The following USP13 variants were observed in gnomAD, a reference collection of about 807,000 sequenced individuals.
The protein encoded by USP13 is ubiquitin specific peptidase 13, also known as ubiquitin carboxyl-terminal hydrolase 13.
A neutral mutation model predicts 107.8 loss-of-function variants in USP13; 68 were observed. That is an observed-to-expected ratio of 0.63 (90% CI 0.52 to 0.77). The LOEUF (loss-of-function observed/expected upper bound fraction) is 0.77. Ranked by LOEUF, USP13 falls within the 30% of genes least tolerant of loss-of-function variation. The pLI, the probability that USP13 is intolerant of heterozygous loss-of-function variation, is 0.00. For synonymous variants in USP13, 377 were observed against 389.5 expected (o/e 0.97, Z 0.38); for missense variants, 945 against 1,093.3 (o/e 0.86, Z 1.91).
rs747042364 is a variant in USP13, at chr3:179,681,888, G to C, written c.179G>C (p.Gly60Ala). 8.7e-6 allele frequency: 14 copies of C among 1,612,538 alleles called. No individual in the cohort carries two copies. The East Asian group carries it at 2.9e-4, about 33-fold the overall frequency. The change falls in exon 2 of 21, where the codon GGT becomes GCT. Residue 60 changes from glycine (G) to alanine (A), a missense_variant. Transcript: ENST00000263966. The part of the protein sequence containing the change: ...AFSYDSPNSE[G>A]GLYVCMNTFL... The stretch of plus-strand genomic sequence containing the variant: ...TTCTCTTTCTTCTAGAATTCTGAAG[G>C]TGGACTCTATGTATGCATGAATACA...
chr3:179,692,356 A>G (rs1712143813), intron 3 of USP13, among the ~76,000 whole-genome samples: 1 of 152,230 alleles, frequency 6.6e-6, no homozygotes, highest in African/African-American at 2.4e-5. Flanking sequence ...TTTGATTCTC[A>G]GTTACTCTGT....
intron 16 of USP13, among the ~76,000 whole-genome samples, chr3:179,758,933 C>T (rs1714904885): frequency 6.6e-6 from 1 of 150,678 alleles, no homozygotes; most frequent in Admixed American, 6.6e-5. Context: ...TGGAGTATAT[C>T]CTTCTATTAT....
chr3:179,733,743 G>A (rs1713888985), intron 10 of USP13, among the ~76,000 whole-genome samples: 1 of 152,142 alleles, frequency 6.6e-6, no homozygotes, highest in Admixed American at 6.5e-5. Flanking sequence ...CCTTTTTACG[G>A]GGCCACCACC....
In USP13 at chr3:179,772,800, C is replaced by T. The variant is rs75637522; in HGVS notation, c.2413+6952C>T. On this transcript the variant is annotated intron_variant, in intron 19 of 20. Coordinates refer to ENST00000263966, the MANE Select transcript of USP13 (RefSeq NM_003940.3). ...CTTTCGGAGCATTCGGCATTGTAACCGAGAGACTGGTAATTTGGAGCTGGC... is the reference window on the plus strand; with the variant it reads ...CTTTCGGAGCATTCGGCATTGTAACTGAGAGACTGGTAATTTGGAGCTGGC... Among the ~76,000 whole-genome samples the T allele has an allele frequency of 5.5e-3, 843 of 152,274 alleles. 4 individuals are homozygous for T. The highest frequency in any genetic ancestry group is 9.0e-3 in the Non-Finnish European group (613 of 68,024).
intron 19 of USP13, among the ~76,000 whole-genome samples, chr3:179,777,394 T>G (rs1000198942): frequency 6.6e-6 from 1 of 151,682 alleles, no homozygotes; most frequent in African/African-American, 2.4e-5. Context: ...TTGCAGGACA[T>G]CCTTGTGGGG....
intron 6 of USP13, among the ~76,000 whole-genome samples, chr3:179,711,740 T>C (rs1308569373): frequency 6.6e-6 from 1 of 152,178 alleles, no homozygotes; most frequent in Admixed American, 6.5e-5. Context: ...AACAATGCCT[T>C]GTTCTGGAAT....
At chr3:179,755,399 A>G (rs948930512) in intron 15 of USP13, among the ~76,000 whole-genome samples, 1 of 152,006 alleles carries the variant, frequency 6.6e-6, no homozygotes, top group Non-Finnish European at 1.5e-5. Context: ...GGTTCAAGCA[A>G]TTCTCCTGCC....
chr3:179,754,294 G>C (rs1412006982), intron 14 of USP13, among the ~76,000 whole-genome samples: 1 of 152,210 alleles, frequency 6.6e-6, no homozygotes, highest in Non-Finnish European at 1.5e-5. Flanking sequence ...GTCTAGGGTA[G>C]AAACTGAAGA....
chr3:179,733,482 C>T (rs2268935), intron 10 of USP13, among the ~76,000 whole-genome samples: 2 of 151,988 alleles, frequency 1.3e-5, no homozygotes, highest in Non-Finnish European at 2.9e-5. Flanking sequence ...TCAGGCATCA[C>T]GATTTTCACT....
At chr3:179,655,567 G>GTTT (rs780247868) in intron 1 of USP13, among the ~76,000 whole-genome samples, 1 of 139,820 alleles carries the variant, frequency 7.2e-6, no homozygotes, top group African/African-American at 2.8e-5. Flanking sequence ...GTTTTGTTTT[G>GTTT]TTTTTTTTTT....
intron 12 of USP13, among the ~76,000 whole-genome samples, chr3:179,743,003 A>G (rs1397569826): frequency 6.6e-6 from 1 of 152,200 alleles, no homozygotes; most frequent in Non-Finnish European, 1.5e-5. Flanking sequence ...CAAAAAAGAC[A>G]AAATAGCTGC....
chr3:179,705,157 A>T (rs1407150494), intron 4 of USP13, among the ~76,000 whole-genome samples: 1 of 152,036 alleles, frequency 6.6e-6, no homozygotes, highest in African/African-American at 2.4e-5. Context: ...CAGCTGAGGG[A>T]ATTTCCTCCA....
chr3:179,663,496 G>A (rs923333104), intron 1 of USP13, among the ~76,000 whole-genome samples: 1 of 152,118 alleles, frequency 6.6e-6, no homozygotes, highest in Non-Finnish European at 1.5e-5. Flanking sequence ...CCAAATTCTG[G>A]TATATCCTCC....
intron 3 of USP13, among the ~76,000 whole-genome samples, chr3:179,700,090 A>G (rs1483358379): frequency 1.3e-5 from 2 of 152,142 alleles, no homozygotes; most frequent in Non-Finnish European, 2.9e-5. Flanking sequence ...TCCCTGTGAA[A>G]GTGATGCTGA....
At chr3:179,754,888 C>A in intron 15 of USP13, 34 bp downstream of exon 15, 1 of 1,581,468 alleles carries the variant, frequency 6.3e-7, no homozygotes, top group Non-Finnish European at 8.6e-7. Context: ...ATGCGCTACC[C>A]TCCCACCCTG....
chr3:179,740,328 C>A lies in USP13; in HGVS notation c.1336C>A (p.Gln446Lys). ...CCCGGAATTCTCCTCTAACAGGCAG[C>A]AAGATGCCCAGGAATTCTTCTTGCA... ...SHPEFSSNRQ[Q>K]DAQEFFLHLV... The change falls in exon 11 of 21, where the codon CAA (glutamine) becomes AAA (lysine). Residue 446 changes from glutamine (Q) to lysine (K), a missense_variant. Coordinates refer to ENST00000263966, the MANE Select transcript of USP13 (RefSeq NM_003940.3). The A allele has an allele frequency of 6.2e-7, 1 of 1,614,128 alleles. No homozygotes were observed. Among genetic ancestry groups the A allele is most frequent in the Non-Finnish European group, 8.5e-7 (1 of 1,180,030 alleles).
chr3:179,756,148 G>A (rs1187990355), intron 15 of USP13, among the ~76,000 whole-genome samples: 4 of 152,220 alleles, frequency 2.6e-5, no homozygotes, highest in Non-Finnish European at 5.9e-5. Context: ...GAGAGGGCCA[G>A]GCGCGGTGGC....
intron 8 of USP13, among the ~76,000 whole-genome samples, chr3:179,723,544 C>CT (rs1162439362): frequency 1.3e-5 from 2 of 152,206 alleles, no homozygotes; most frequent in Non-Finnish European, 2.9e-5. Context: ...GACACACATC[C>CT]TGATGCATGT....
chr3:179,688,803 T>G (rs1711988652), intron 2 of USP13, among the ~76,000 whole-genome samples: 1 of 152,190 alleles, frequency 6.6e-6, no homozygotes, highest in African/African-American at 2.4e-5. Context: ...TTAAAGGTGC[T>G]TTGCAATAGG....
Sources: gnomAD v4.1 joint callset for allele counts (sites outside exome capture counted in the v4.1 genomes callset) on GRCh38, gnomAD v4.1.1 for gene constraint, MANE v1.5 for transcripts, NCBI Gene and HGNC (gene_info 2026-07-23, HGNC 2026-07-21) for gene names.